The following SLC35E4 variants were observed in gnomAD, a reference collection of about 807,000 sequenced individuals.
SLC35E4 encodes the protein solute carrier family 35, member E4.
In SLC35E4, 15 loss-of-function variants were observed where a neutral mutation model predicts 19.3. The observed-to-expected ratio is 0.78, with a 90% CI of 0.52 to 1.20. The LOEUF (loss-of-function observed/expected upper bound fraction) is 1.20, where lower values mean the gene tolerates loss of function less well. SLC35E4 is among the 50% of genes most tolerant of loss of function. The pLI is 0.00. For synonymous variants in SLC35E4, 219 were observed against 219.9 expected (o/e 1.00, Z 0.04); for missense variants, 406 against 472.3 (o/e 0.86, Z 1.30).
At chr22:30,646,460 A>G (rs2088130323) in intron 1 of SLC35E4, 138 bp from the exon 2 acceptor site, 2 of 1,000,400 alleles carry the variant, frequency 2.0e-6, no homozygotes, top group Non-Finnish European at 2.9e-6. Flanking sequence ...CTTGACTGTC[A>G]TGTTTCAGAT....
chr22:30,654,280 G>A (rs990762000), intron 2 of SLC35E4: 34 of 443,366 alleles, frequency 7.7e-5, no homozygotes, highest in Admixed American at 4.7e-4. Context: ...CACCGCGCCC[G>A]GCCATCCCAT....
intron 1 of SLC35E4, among the ~76,000 whole-genome samples, chr22:30,637,822 C>T (rs1450179127): frequency 2.6e-5 from 4 of 152,166 alleles, no homozygotes; most frequent in Non-Finnish European, 1.5e-5. Flanking sequence ...CTCCATGCTT[C>T]CAAGAGATGT....
At chr22:30,668,980 GT>G (rs2145638153) in exon 3 of SLC35E4, 1 of 152,198 alleles carries the variant, frequency 6.6e-6, no homozygotes, top group African/African-American at 2.4e-5. Flanking sequence ...GTCTTTAAAT[GT>G]TTTAAGGATT....
downstream of SLC35E4, among the ~76,000 whole-genome samples, chr22:30,664,664 T>TC (rs987988944): frequency 2.0e-5 from 3 of 152,148 alleles, no homozygotes; most frequent in African/African-American, 7.2e-5. Context: ...GTTCCCATTT[T>TC]CCCCCTCTAA....
intron 2 of SLC35E4, among the ~76,000 whole-genome samples, chr22:30,659,479 T>G (rs1268455552): frequency 6.6e-6 from 1 of 152,088 alleles, no homozygotes; most frequent in East Asian, 1.9e-4. Flanking sequence ...GTTCAAGCGA[T>G]TCTTCCGCCT....
intron 2 of SLC35E4, chr22:30,661,926 T>G (rs1256464040): frequency 6.6e-6 from 1 of 151,176 alleles, no homozygotes; most frequent in Non-Finnish European, 1.5e-5. Context: ...CTGTGCTCCT[T>G]GTTTCAGGAC....
downstream of SLC35E4, chr22:30,649,373 G>A (rs1027602359): frequency 8.5e-5 from 53 of 622,488 alleles, 2 homozygotes; most frequent in South Asian, 9.9e-4. Flanking sequence ...CTGGGGCTGT[G>A]GTCTATGGAG....
In SLC35E4 at chr22:30,639,747, A is replaced by C. The variant is rs539688267; in HGVS notation, c.619+2678A>C. 5.3e-5 allele frequency among the ~76,000 whole-genome samples: 8 copies of C among 152,344 alleles called. No homozygotes were observed. The South Asian group carries it at 1.7e-3, about 32-fold the overall frequency. ...TCACCGGCAGTCAGAGTTTAAGATT[A>C]TCTCTCTTGTTCCCTGAACATTGCT... On this transcript the variant is annotated intron_variant, in intron 1 of 1. Transcript: ENST00000343605.
chr22:30,654,072 C>G (rs986541237), intron 2 of SLC35E4: 1 of 179,294 alleles, frequency 5.6e-6, no homozygotes, highest in African/African-American at 2.4e-5. Context: ...CTCCGCCCCA[C>G]GGGTTCACGC....
In SLC35E4 at chr22:30,642,664, C is replaced by G. The variant is rs141761642; in HGVS notation, c.620-3934C>G. Among the ~76,000 whole-genome samples, 716 of 148,958 alleles carry G rather than the reference C, an allele frequency of 4.8e-3. 7 individuals are homozygous for G. Among genetic ancestry groups the G allele is most frequent in the African/African-American group, 0.017 (703 of 40,252 alleles). On this transcript the variant is annotated intron_variant, in intron 1 of 1. Transcript: ENST00000343605. The stretch of plus-strand genomic sequence containing the variant: ...GCTGAGGTAGGAGAATCTCTTGAAC[C>G]AGGGAGGCGGAGGTTGCAGTGAGCC...
chr22:30,650,303 G>A (rs1310580429), downstream of SLC35E4, among the ~76,000 whole-genome samples: 1 of 151,638 alleles, frequency 6.6e-6, no homozygotes, highest in Non-Finnish European at 1.5e-5. Flanking sequence ...TTGCACTGTA[G>A]CCTGGGGGAC....
chr22:30,661,252 A>G lies in SLC35E4; in HGVS notation c.*9-808A>G, dbSNP rs182233925. Among the ~76,000 whole-genome samples the G allele has an allele frequency of 5.9e-5, 9 of 152,296 alleles. No individual in the cohort carries two copies. In the East Asian group the frequency reaches 1.7e-3, roughly 29 times the overall value. On this transcript the variant is annotated intron_variant, in intron 2 of 2. Coordinates refer to the SLC35E4 transcript ENST00000406566. Reference sequence around the variant, plus strand: ...GACCCATTCATGGATCTCAAATCCAAAAATGTGAAATGCTCAAAATCTAAA... The same window carrying G: ...GACCCATTCATGGATCTCAAATCCAGAAATGTGAAATGCTCAAAATCTAAA...
At chr22:30,664,092 G>T, downstream of SLC35E4, 3 of 1,321,614 alleles carry the variant, frequency 2.3e-6, no homozygotes, top group South Asian at 4.3e-5. Context: ...TGCAGAGAGG[G>T]AGAGGATGTT....
intron 1 of SLC35E4, among the ~76,000 whole-genome samples, chr22:30,639,677 C>T (rs952126709): frequency 1.3e-4 from 20 of 152,218 alleles, no homozygotes; most frequent in African/African-American, 4.6e-4. Context: ...ACATTTCTCC[C>T]ATTTGCTTTT....
chr22:30,667,465 T>C (rs965491619), downstream of SLC35E4: 1 of 152,136 alleles, frequency 6.6e-6, no homozygotes, highest in Non-Finnish European at 1.5e-5. Flanking sequence ...GTTTTACCTC[T>C]CTCCTTCAGG....
chr22:30,661,001 G>A (rs1267738651), intron 2 of SLC35E4, among the ~76,000 whole-genome samples: 1 of 151,992 alleles, frequency 6.6e-6, no homozygotes, highest in Non-Finnish European at 1.5e-5. Flanking sequence ...TTGCCACTAC[G>A]CCCTGCTTTC....
downstream of SLC35E4, chr22:30,663,500 A>C: frequency 6.2e-7 from 1 of 1,614,170 alleles, no homozygotes; most frequent in South Asian, 1.1e-5. Context: ...CCACTGGGGA[A>C]CTGACCATGT....
At chr22:30,646,025 C>T (rs1269977785) in intron 1 of SLC35E4, among the ~76,000 whole-genome samples, 1 of 151,112 alleles carries the variant, frequency 6.6e-6, no homozygotes, top group Non-Finnish European at 1.5e-5. Context: ...TCACGTTGCC[C>T]GGGCAGGTCT....
chr22:30,648,427 G>A (rs972152445), downstream of SLC35E4, among the ~76,000 whole-genome samples: 2 of 152,116 alleles, frequency 1.3e-5, no homozygotes, highest in African/African-American at 2.4e-5. Context: ...CTGCCTGGAG[G>A]AGAAAACCCA....
Sources: allele counts gnomAD v4.1 joint callset (sites outside exome capture counted in the v4.1 genomes callset), GRCh38; gene constraint gnomAD v4.1.1; transcripts MANE v1.5; gene names NCBI Gene and HGNC (gene_info 2026-07-23, HGNC 2026-07-21).